Variants in C1QTNF7 observed in about 807,000 individuals in gnomAD.
The protein encoded by C1QTNF7 is C1q and TNF related 7.
C1QTNF7 carries 15 observed loss-of-function variants against 19.6 expected under a neutral mutation model. That is an observed-to-expected ratio of 0.76 (90% confidence interval 0.51 to 1.18). The LOEUF (loss-of-function observed/expected upper bound fraction) is 1.18, where lower values mean the gene tolerates loss of function less well. C1QTNF7 is among the 50% of genes most tolerant of loss of function. The probability of loss-of-function intolerance (pLI) is 0.00; values close to 1 mark genes in which losing one functional copy is unlikely to be tolerated. For synonymous variants in C1QTNF7, 142 were observed against 137.5 expected, an observed-to-expected ratio of 1.03 and a Z score of -0.23; for missense variants, 324 against 359.7, an observed-to-expected ratio of 0.90 and a Z score of 0.80.
At chr4:15,437,880 G>A (rs776274100) in intron 2 of C1QTNF7, among the ~76,000 whole-genome samples, 5 of 152,008 alleles carry the variant, frequency 3.3e-5, no homozygotes, top group East Asian at 1.9e-4. Flanking sequence ...TTTTCTATAC[G>A]TAGCCAGCTA....
chr4:15,361,779 T>C (rs1210077869), intron 1 of C1QTNF7, among the ~76,000 whole-genome samples: 4 of 152,204 alleles, frequency 2.6e-5, no homozygotes, highest in Non-Finnish European at 5.9e-5. Context: ...AAATCTCATA[T>C]TAGACTAAGG....
At chr4:15,405,489 C>T (rs559866074) in intron 1 of C1QTNF7, among the ~76,000 whole-genome samples, 4 of 152,166 alleles carry the variant, frequency 2.6e-5, no homozygotes, top group Non-Finnish European at 5.9e-5. Flanking sequence ...CCAGTAGAAT[C>T]GGCACTCTGG....
At chr4:15,408,263 A>T (rs1314786906) in intron 1 of C1QTNF7, among the ~76,000 whole-genome samples, 1 of 137,582 alleles carries the variant, frequency 7.3e-6, no homozygotes, top group African/African-American at 2.8e-5. Flanking sequence ...CAGAGTGAGT[A>T]AGACTCTGTC....
intron 1 of C1QTNF7, among the ~76,000 whole-genome samples, chr4:15,410,041 T>C (rs1355879673): frequency 1.3e-5 from 2 of 152,158 alleles, no homozygotes; most frequent in African/African-American, 2.4e-5. Context: ...GCTAAAACAG[T>C]TTCTACATAC....
chr4:15,432,191 G>C (rs1277756224), intron 1 of C1QTNF7, among the ~76,000 whole-genome samples: 1 of 152,170 alleles, frequency 6.6e-6, no homozygotes, highest in Non-Finnish European at 1.5e-5. Context: ...GGGAAATAAG[G>C]AGGGCCTTGT....
chr4:15,408,697 T>C (rs1719293953), intron 1 of C1QTNF7, among the ~76,000 whole-genome samples: 1 of 152,126 alleles, frequency 6.6e-6, no homozygotes, highest in Non-Finnish European at 1.5e-5. Flanking sequence ...GGAGAGCACT[T>C]TGGATATACC....
intron 1 of C1QTNF7, among the ~76,000 whole-genome samples, chr4:15,405,095 A>C (rs1719143857): frequency 6.6e-6 from 1 of 152,150 alleles, no homozygotes; most frequent in Non-Finnish European, 1.5e-5. Flanking sequence ...AAACTAGTAA[A>C]AAATTTTATT....
chr4:15,381,675 G>GT (rs1718147584), intron 1 of C1QTNF7: 1 of 152,112 alleles, frequency 6.6e-6, no homozygotes, highest in African/African-American at 2.4e-5. Flanking sequence ...TATATAAATT[G>GT]TTTATATGCC....
chr4:15,403,947 C>T (rs1719088841), intron 1 of C1QTNF7, among the ~76,000 whole-genome samples: 1 of 152,086 alleles, frequency 6.6e-6, no homozygotes, highest in African/African-American at 2.4e-5. Flanking sequence ...ATACTACTAT[C>T]GATATATTTT....
At chr4:15,371,104 G>A (rs1038384197) in intron 1 of C1QTNF7, among the ~76,000 whole-genome samples, 5 of 152,172 alleles carry the variant, frequency 3.3e-5, no homozygotes, top group Non-Finnish European at 7.3e-5. Flanking sequence ...AGGCTGTTGG[G>A]GTATGAACAG....
At chr4:15,388,339 T>TCA (rs1718419138) in intron 1 of C1QTNF7, among the ~76,000 whole-genome samples, 1 of 152,156 alleles carries the variant, frequency 6.6e-6, no homozygotes, top group East Asian at 1.9e-4. Flanking sequence ...TCGACATGCT[T>TCA]GTGTGTTTTC....
chr4:15,345,295 T>C (rs1716678248), intron 1 of C1QTNF7, among the ~76,000 whole-genome samples: 1 of 152,190 alleles, frequency 6.6e-6, no homozygotes, highest in African/African-American at 2.4e-5. Context: ...TTGGAATCCG[T>C]GTATTCTGCT....
chr4:15,348,114 A>G (rs1337686517), intron 1 of C1QTNF7, among the ~76,000 whole-genome samples: 1 of 152,158 alleles, frequency 6.6e-6, no homozygotes, highest in Non-Finnish European at 1.5e-5. Context: ...TGGGCCAGCT[A>G]ATCTTTCTCT....
At chr4:15,342,562 G>A (rs1020082048) in intron 1 of C1QTNF7, among the ~76,000 whole-genome samples, 4 of 152,156 alleles carry the variant, frequency 2.6e-5, no homozygotes, top group South Asian at 2.1e-4. Context: ...CAAAGAAAGC[G>A]TCCCACAAAG....
At chr4:15,419,360 G>T (rs951472301) in intron 1 of C1QTNF7, among the ~76,000 whole-genome samples, 8 of 152,174 alleles carry the variant, frequency 5.3e-5, no homozygotes, top group Admixed American at 3.9e-4. Context: ...AGGAGAGAAG[G>T]GGGTTAAATA....
At position 15,445,270 on chromosome 4, in the gene C1QTNF7, C is replaced by A. The variant is rs1712949305; in HGVS notation, c.*2471C>A. On this transcript the variant is annotated 3_prime_UTR_variant, in exon 3 of 3. Coordinates refer to ENST00000444304, the MANE Select transcript of C1QTNF7 (RefSeq NM_031911.5). Reference sequence around the variant, plus strand: ...CCAAGTTATAAAGCATAAAAAAGAGCCAACAGAAGTAACTAATCCGGGAAA... The same window carrying A: ...CCAAGTTATAAAGCATAAAAAAGAGACAACAGAAGTAACTAATCCGGGAAA... The A allele has an allele frequency of 6.6e-6, 1 of 152,162 alleles. No individual in the cohort carries two copies. The highest frequency in any genetic ancestry group is 2.4e-5 in the African/African-American group (1 of 41,434). The allele number at this position is 152,162 out of a possible 1,614,324, so 9.4% of individuals were successfully genotyped here.
chr4:15,383,859 G>A (rs1209039728), intron 1 of C1QTNF7, among the ~76,000 whole-genome samples: 2 of 152,202 alleles, frequency 1.3e-5, no homozygotes, highest in Non-Finnish European at 2.9e-5. Context: ...GGTGGCTATG[G>A]GAGCCAAGTC....
intron 2 of C1QTNF7, among the ~76,000 whole-genome samples, chr4:15,437,673 CATT>C (rs1712590691): frequency 6.6e-6 from 1 of 152,162 alleles, no homozygotes; most frequent in African/African-American, 2.4e-5. Context: ...TGCATCCAGG[CATT>C]ATTCATTCAA....
chr4:15,343,052 T>C (rs1716598472), intron 1 of C1QTNF7, among the ~76,000 whole-genome samples: 2 of 152,222 alleles, frequency 1.3e-5, no homozygotes, highest in African/African-American at 2.4e-5. Flanking sequence ...ATGCCTGACA[T>C]ATAATGAGAG....
Sources: allele counts gnomAD v4.1 joint callset (sites outside exome capture counted in the v4.1 genomes callset), GRCh38; gene constraint gnomAD v4.1.1; transcripts MANE v1.5; gene names NCBI Gene and HGNC (gene_info 2026-07-23, HGNC 2026-07-21).